Variants in NOVA1 observed in about 807,000 individuals in gnomAD.
NOVA1 encodes the protein NOVA alternative splicing regulator 1, also known as RNA-binding protein Nova-1.
Under a neutral mutation model 38.0 loss-of-function variants are expected in NOVA1, and 7 were observed. The observed-to-expected ratio is 0.18, with a 90% CI of 0.10 to 0.35. The LOEUF (loss-of-function observed/expected upper bound fraction) is 0.35, where lower values mean the gene tolerates loss of function less well. Among genes scored for constraint, NOVA1 ranks in the 10% least tolerant of loss-of-function variants. The pLI, the probability that NOVA1 is intolerant of heterozygous loss-of-function variation, is 1.00. For synonymous variants in NOVA1, 270 were observed against 232.5 expected (o/e 1.16, Z -1.47); for missense variants, 460 against 616.0 (o/e 0.75, Z 2.68).
intron 2 of NOVA1, among the ~76,000 whole-genome samples, chr14:26,586,480 C>A (rs1157851524): frequency 6.6e-6 from 1 of 150,940 alleles, no homozygotes; most frequent in Non-Finnish European, 1.5e-5. Context: ...CCCAAATACA[C>A]TATACTTACA....
At chr14:26,486,338 T>C (rs1235500526) in intron 2 of NOVA1, among the ~76,000 whole-genome samples, 1 of 152,118 alleles carries the variant, frequency 6.6e-6, no homozygotes, top group East Asian at 1.9e-4. Context: ...TCTTCTCTTA[T>C]AATTTGCTGT....
At position 26,446,591 on chromosome 14, in the gene NOVA1, G is replaced by A. The variant is rs1882092845; in HGVS notation, c.*1368C>T. 1 of 152,736 alleles carries A rather than the reference G, an allele frequency of 6.5e-6. No individual in the cohort carries two copies. The highest frequency in any genetic ancestry group is 2.4e-5 in the African/African-American group (1 of 41,464). 9.5% of individuals were successfully genotyped at this position (152,736 alleles called of 1,614,324 possible). ...AAGACTGCATGCACAGCATGAGGAG[G>A]TGCTTGGGGATGGATGCCCCTATGA... On this transcript the variant is annotated 3_prime_UTR_variant, in exon 5 of 5. Coordinates refer to ENST00000539517, the MANE Select transcript of NOVA1 (RefSeq NM_002515.3).
At chr14:26,585,825 T>C (rs974631411) in intron 2 of NOVA1, among the ~76,000 whole-genome samples, 1 of 151,390 alleles carries the variant, frequency 6.6e-6, no homozygotes. Context: ...TACTCCACTG[T>C]ACCTAGCCAA....
chr14:26,447,652 C>G lies in NOVA1; in HGVS notation c.*307G>C. The G allele has an allele frequency of 1.1e-5, 4 of 379,240 alleles. No homozygotes were observed. The South Asian group carries it at 1.3e-4, about 12-fold the overall frequency. The allele number at this position is 379,240 out of a possible 1,614,324, so 23.5% of individuals were successfully genotyped here. A position where few individuals can be genotyped will look rare whatever the true frequency, so the allele number is the denominator to read the frequency against. On this transcript the variant is annotated 3_prime_UTR_variant, in exon 5 of 5. Coordinates refer to ENST00000539517, the MANE Select transcript of NOVA1 (RefSeq NM_002515.3). Reference sequence around the variant, plus strand: ...CTGAAAACTATACGCATATCCCTGTCTACATTCAATCATTAAACTACAATA... The same window carrying G: ...CTGAAAACTATACGCATATCCCTGTGTACATTCAATCATTAAACTACAATA...
intron 2 of NOVA1, among the ~76,000 whole-genome samples, chr14:26,538,704 C>T (rs1175203545): frequency 6.6e-6 from 1 of 152,014 alleles, no homozygotes; most frequent in African/African-American, 2.4e-5. Context: ...CCTTGTTCAT[C>T]TTCTGCACAG....
intron 2 of NOVA1, among the ~76,000 whole-genome samples, chr14:26,532,977 ATT>A (rs1379048895): frequency 6.6e-6 from 1 of 152,160 alleles, no homozygotes; most frequent in African/African-American, 2.4e-5. Context: ...TATTAGATAT[ATT>A]GTCTATAATA....
In NOVA1 at chr14:26,475,926, A is replaced by T. The variant is rs1298696007; in HGVS notation, c.448-3535T>A. 2.0e-5 allele frequency among the ~76,000 whole-genome samples: 3 copies of T among 152,162 alleles called. No homozygotes were observed. The East Asian group carries it at 5.8e-4, about 29-fold the overall frequency. ...CTTTCAAGCAAGTCTGCAGTAATAG[A>T]CTGTCAAGAACCTCTGGTATTTATA... On this transcript the variant is annotated intron_variant, in intron 3 of 4. Transcript: ENST00000539517.
Position 26,476,319 on chromosome 14 carries a change from CT to C in NOVA1, c.447+3657del, listed in dbSNP as rs200208903. ...AGAGAACAAACAGCATAAGTGACTT[CT>C]TTTTTTTCCCCCCCAAAATCTTCCA... is the stretch of plus-strand genomic sequence containing the variant. On this transcript the variant is annotated intron_variant, in intron 3 of 4. Coordinates refer to ENST00000539517, the MANE Select transcript of NOVA1 (RefSeq NM_002515.3). Among the ~76,000 whole-genome samples, 1,131 of 152,048 alleles carry C rather than the reference CT, an allele frequency of 7.4e-3. 7 individuals are homozygous for C. Among genetic ancestry groups the C allele is most frequent in the Non-Finnish European group, 0.012 (847 of 67,950 alleles).
At chr14:26,464,913 G>C (rs1302583577) in intron 4 of NOVA1, among the ~76,000 whole-genome samples, 1 of 151,980 alleles carries the variant, frequency 6.6e-6, no homozygotes, top group Admixed American at 6.6e-5. Flanking sequence ...TTATTCCTAA[G>C]AATGTTTGCA....
At position 26,580,460 on chromosome 14, in the gene NOVA1, T is replaced by C. The variant is rs568687351; in HGVS notation, c.280+14950A>G. On this transcript the variant is annotated intron_variant, in intron 2 of 4. Coordinates refer to ENST00000539517, the MANE Select transcript of NOVA1 (RefSeq NM_002515.3). ...ACATGCCTAGTTTTCTTCTCCACTA[T>C]ATAGGCAAAAACATAAACAAATAAA... 6.6e-5 allele frequency among the ~76,000 whole-genome samples: 10 copies of C among 152,150 alleles called. No homozygotes were observed. The South Asian group carries it at 1.9e-3, about 28-fold the overall frequency.
intron 2 of NOVA1, among the ~76,000 whole-genome samples, chr14:26,523,899 CG>C (rs1668054803): frequency 4.0e-5 from 6 of 151,832 alleles, no homozygotes; most frequent in African/African-American, 1.5e-4. Context: ...TACAGGCGCC[CG>C]ACACCATGCC....
At chr14:26,546,589 A>G (rs950333944) in intron 2 of NOVA1, among the ~76,000 whole-genome samples, 14 of 152,106 alleles carry the variant, frequency 9.2e-5, no homozygotes, top group African/African-American at 3.1e-4. Context: ...ATAGTTTCCT[A>G]TTTTCTCACC....
intron 2 of NOVA1, among the ~76,000 whole-genome samples, chr14:26,548,848 T>C (rs1890989134): frequency 6.6e-6 from 1 of 151,486 alleles, no homozygotes; most frequent in Non-Finnish European, 1.5e-5. Context: ...GGCTCACACC[T>C]ATAATCCCAG....
chr14:26,546,944 G>A (rs567735695), intron 2 of NOVA1, among the ~76,000 whole-genome samples: 40 of 152,160 alleles, frequency 2.6e-4, no homozygotes, highest in Middle Eastern at 3.4e-3. Context: ...ATTTGAACCC[G>A]CGAGGCAGAG....
intron 2 of NOVA1, among the ~76,000 whole-genome samples, chr14:26,525,244 GA>G (rs1256912754): frequency 6.6e-6 from 1 of 152,066 alleles, no homozygotes; most frequent in Non-Finnish European, 1.5e-5. Context: ...ATTTTGTGTT[GA>G]ATGTCTCAGC....
At chr14:26,558,217 T>C (rs1037239714) in intron 2 of NOVA1, among the ~76,000 whole-genome samples, 1 of 152,086 alleles carries the variant, frequency 6.6e-6, no homozygotes. Flanking sequence ...TACAACGTAA[T>C]GAATGAATCC....
intron 2 of NOVA1, among the ~76,000 whole-genome samples, chr14:26,508,160 G>A (rs577245348): frequency 2.0e-5 from 3 of 152,120 alleles, no homozygotes; most frequent in East Asian, 3.9e-4. Context: ...ATATGGCACT[G>A]ATTGCAAGAG....
chr14:26,597,675 G>C lies in NOVA1; in HGVS notation c.-239C>G, dbSNP rs1894295576. 3 of 1,190,616 alleles carry C rather than the reference G, an allele frequency of 2.5e-6. No homozygotes were observed. Among genetic ancestry groups the C allele is most frequent in the Non-Finnish European group, 3.1e-6 (3 of 964,262 alleles). The allele number at this position is 1,190,616 out of a possible 1,614,324, so 73.8% of individuals were successfully genotyped here. A position where few individuals can be genotyped will look rare whatever the true frequency, so the allele number is the denominator to read the frequency against. ...CAGTGCAGTGTCAGAAAGGAGACAGGGGAATGGAGGGGGTGTGAGAGACGG... is the reference window on the plus strand; with the variant it reads ...CAGTGCAGTGTCAGAAAGGAGACAGCGGAATGGAGGGGGTGTGAGAGACGG... On this transcript the variant is annotated 5_prime_UTR_variant, in exon 1 of 5. Coordinates refer to ENST00000539517, the MANE Select transcript of NOVA1 (RefSeq NM_002515.3).
chr14:26,574,328 C>T (rs915710631), intron 2 of NOVA1, among the ~76,000 whole-genome samples: 8 of 147,264 alleles, frequency 5.4e-5, no homozygotes, highest in South Asian at 2.2e-4. Context: ...TGAGCCACCA[C>T]GCCCAGCCAA....
Sources: gnomAD v4.1 joint callset for allele counts (sites outside exome capture counted in the v4.1 genomes callset) on GRCh38, gnomAD v4.1.1 for gene constraint, MANE v1.5 for transcripts, NCBI Gene and HGNC (gene_info 2026-07-23, HGNC 2026-07-21) for gene names.